TLR6: variants seen among roughly 807,000 people sequenced by gnomAD.
TLR6 encodes the protein toll like receptor 6, also known as toll-like receptor 6.
TLR6 carries 9 observed loss-of-function variants against 16.1 expected under a neutral mutation model. The ratio of observed to expected loss-of-function variants is 0.56; its 90% CI spans 0.34 to 0.98. TLR6 has a LOEUF of 0.98. Among genes scored for constraint, TLR6 ranks in the 50% least tolerant of loss-of-function variants. The pLI is 0.02. For missense variants in TLR6, 786 were observed against 921.0 expected (o/e 0.85, Z 1.90); for synonymous variants, 340 against 338.6 (o/e 1.00, Z -0.04).
upstream of TLR6, among the ~76,000 whole-genome samples, chr4:38,861,111 A>G (rs535353434): frequency 6.6e-6 from 1 of 151,904 alleles, no homozygotes; most frequent in South Asian, 2.1e-4. Flanking sequence ...TCTCACTGCT[A>G]CTTCCAGATC....
chr4:38,837,022 A>G (rs1711962715), intron 1 of TLR6, among the ~76,000 whole-genome samples: 1 of 152,132 alleles, frequency 6.6e-6, no homozygotes, highest in South Asian at 2.1e-4. Flanking sequence ...CTAGGAATAA[A>G]CTTAATCAAG....
At chr4:38,833,891 G>T (rs1407184038) in intron 1 of TLR6, among the ~76,000 whole-genome samples, 1 of 151,778 alleles carries the variant, frequency 6.6e-6, no homozygotes, top group African/African-American at 2.4e-5. Context: ...AACTACAGAG[G>T]TCAATAAATG....
At chr4:38,847,834 C>T (rs1021489658) in intron 1 of TLR6, among the ~76,000 whole-genome samples, 1 of 152,244 alleles carries the variant, frequency 6.6e-6, no homozygotes, top group Non-Finnish European at 1.5e-5. Context: ...GCCTGCCTGC[C>T]TCTGTAGACT....
chr4:38,858,891 G>T (rs866923083), upstream of TLR6, among the ~76,000 whole-genome samples: 2 of 128,924 alleles, frequency 1.6e-5, no homozygotes, highest in Non-Finnish European at 3.4e-5. Context: ...AAGAAAGAGA[G>T]AAAGAAAGAA....
At chr4:38,831,375 T>G (rs1035538744) in intron 1 of TLR6, among the ~76,000 whole-genome samples, 2 of 151,096 alleles carry the variant, frequency 1.3e-5, no homozygotes, top group African/African-American at 4.9e-5. Flanking sequence ...AAATTAACCA[T>G]AGACCTAAAT....
chr4:38,832,867 C>A (rs1240724421), intron 1 of TLR6, among the ~76,000 whole-genome samples: 1 of 152,184 alleles, frequency 6.6e-6, no homozygotes. Context: ...TTCCCCAGAG[C>A]CTCAGAGTTA....
chr4:38,827,000 C>G lies in TLR6; in HGVS notation c.*83G>C, dbSNP rs2109403011. 2.7e-6 allele frequency: 3 copies of G among 1,122,266 alleles called. No individual in the cohort carries two copies. The Middle Eastern group carries it at 9.1e-4, about 340-fold the overall frequency. 69.5% of individuals were successfully genotyped at this position (1,122,266 alleles called of 1,614,324 possible). On this transcript the variant is annotated 3_prime_UTR_variant, in exon 2 of 2. Coordinates refer to ENST00000436693, the Ensembl canonical transcript of TLR6. ...TGAAGGCATGAGGATAATGGAGGCA[C>G]CTCCAGACAGTTACTTACGACTGTA...
intron 1 of TLR6, among the ~76,000 whole-genome samples, chr4:38,833,557 T>G (rs551023476): frequency 7.2e-5 from 11 of 152,292 alleles, no homozygotes; most frequent in African/African-American, 2.6e-4. Flanking sequence ...AGTCTTTCCC[T>G]ATCAAAGCCA....
intron 1 of TLR6, among the ~76,000 whole-genome samples, chr4:38,829,938 C>T (rs1325561425): frequency 2.0e-5 from 3 of 152,182 alleles, no homozygotes; most frequent in Non-Finnish European, 2.9e-5. Context: ...GCAGCAGACA[C>T]ATCAAAAAGT....
the TLR6 span, among the ~76,000 whole-genome samples, chr4:38,866,655 G>A: frequency 6.6e-6 from 1 of 151,842 alleles, no homozygotes; most frequent in Non-Finnish European, 1.5e-5. Context: ...GATATGTATT[G>A]ACCAAGAAAG....
chr4:38,860,533 A>AT (rs34884392), upstream of TLR6, among the ~76,000 whole-genome samples: 77,686 of 144,620 alleles, frequency 0.54, 21,313 homozygotes, highest in African/African-American at 0.63. Flanking sequence ...TCTCTGCTGA[A>AT]TTAAAAAAAA....
upstream of TLR6, among the ~76,000 whole-genome samples, chr4:38,860,411 G>T (rs989073854): frequency 2.0e-5 from 3 of 151,968 alleles, no homozygotes; most frequent in Non-Finnish European, 4.4e-5. Context: ...GGCGGAGGTT[G>T]CTGTGAGCTG....
chr4:38,825,693 T>C (rs1397779425), exon 2 of TLR6: 1 of 152,396 alleles, frequency 6.6e-6, no homozygotes, highest in Non-Finnish European at 1.5e-5. Context: ...TAACCCCGTG[T>C]CCTCTTACTG....
intron 1 of TLR6, among the ~76,000 whole-genome samples, chr4:38,841,312 C>T (rs972342631): frequency 7.9e-5 from 12 of 152,232 alleles, no homozygotes; most frequent in African/African-American, 2.6e-4. Flanking sequence ...AAACTTCTGC[C>T]GGGAGCAGAG....
chr4:38,859,961 G>T (rs1296675675), upstream of TLR6, among the ~76,000 whole-genome samples: 1 of 151,902 alleles, frequency 6.6e-6, no homozygotes, highest in Non-Finnish European at 1.5e-5. Context: ...GTCACACTGG[G>T]TTAAGTATTA....
chr4:38,849,308 C>A (rs1712670944), intron 1 of TLR6, among the ~76,000 whole-genome samples: 2 of 152,164 alleles, frequency 1.3e-5, no homozygotes, highest in African/African-American at 4.8e-5. Context: ...GAACCGGTAC[C>A]AGCCACTGCA....
At position 38,855,448 on chromosome 4, in the gene TLR6, C is replaced by T. The variant is rs1489606047; in HGVS notation, c.-65+1313G>A. Among the ~76,000 whole-genome samples, 5 of 151,978 alleles carry T rather than the reference C, an allele frequency of 3.3e-5. No homozygotes were observed. In the East Asian group the frequency reaches 5.8e-4, roughly 18 times the overall value. ...GTCCTTTATAATCCAAAAAAGTTAT[C>T]GTAAGGCAATTTAAGAGTTGTCTTT... On this transcript the variant is annotated intron_variant, in intron 1 of 1. Coordinates refer to ENST00000436693, the Ensembl canonical transcript of TLR6.
chr4:38,853,161 A>G (rs1276138101), intron 1 of TLR6, among the ~76,000 whole-genome samples: 1 of 146,404 alleles, frequency 6.8e-6, no homozygotes, highest in Non-Finnish European at 1.5e-5. Flanking sequence ...GTTCTCACTC[A>G]TAGGTGGGAA....
At chr4:38,827,263 T>C in exon 2 of TLR6, 1 of 1,614,148 alleles carries the variant, frequency 6.2e-7, no homozygotes, top group Non-Finnish European at 8.5e-7. Context: ...GTGGAATGGG[T>C]TCCAGTAAGA....
Sources: allele counts gnomAD v4.1 joint callset (sites outside exome capture counted in the v4.1 genomes callset), GRCh38; gene constraint gnomAD v4.1.1; transcripts MANE v1.5; gene names NCBI Gene and HGNC (gene_info 2026-07-23, HGNC 2026-07-21).